Variants in HAO1 observed in about 807,000 individuals in gnomAD.
HAO1 encodes 2-Hydroxyacid oxidase 1.
Under a neutral mutation model 39.7 loss-of-function variants are expected in HAO1, and 34 were observed. That is an observed-to-expected ratio of 0.86 (90% CI 0.65 to 1.14). The LOEUF is 1.14. Among genes scored for constraint, HAO1 ranks in the 50% most tolerant of loss-of-function variants. HAO1 has a pLI of 0.00. For synonymous variants in HAO1, 172 were observed against 173.2 expected (o/e 0.99, Z 0.05); for missense variants, 479 against 464.5 (o/e 1.03, Z -0.29).
intron 5 of HAO1, among the ~76,000 whole-genome samples, chr20:7,888,113 A>G (rs1045842123): frequency 6.6e-6 from 1 of 152,060 alleles, no homozygotes; most frequent in Non-Finnish European, 1.5e-5. Context: ...ACTCCACTGG[A>G]GTTAATCTCC....
At chr20:7,937,100 C>T (rs1054559603) in intron 1 of HAO1, among the ~76,000 whole-genome samples, 1 of 151,928 alleles carries the variant, frequency 6.6e-6, no homozygotes, top group Non-Finnish European at 1.5e-5. Flanking sequence ...AGCGGGGTAA[C>T]GGGGAGAATC....
At chr20:7,926,000 A>ATG (rs1446003976) in intron 2 of HAO1, among the ~76,000 whole-genome samples, 13 of 152,184 alleles carry the variant, frequency 8.5e-5, no homozygotes, top group African/African-American at 2.9e-4. Context: ...ATGTATATAT[A>ATG]TCAAATGTCC....
chr20:7,929,576 A>T (rs2122794797), intron 2 of HAO1, among the ~76,000 whole-genome samples: 1 of 152,318 alleles, frequency 6.6e-6, no homozygotes, highest in South Asian at 2.1e-4. Context: ...GTAAAAAAGT[A>T]GAGTTCAGAC....
intron 4 of HAO1, among the ~76,000 whole-genome samples, chr20:7,902,436 G>A (rs12479800): frequency 0.11 from 16,268 of 152,226 alleles, 1,136 homozygotes; most frequent in South Asian, 0.28. Flanking sequence ...GTGATCATTA[G>A]CATTTTTTAG....
intron 5 of HAO1, among the ~76,000 whole-genome samples, chr20:7,890,165 C>T (rs1349177036): frequency 6.6e-6 from 1 of 152,064 alleles, no homozygotes; most frequent in African/African-American, 2.4e-5. Flanking sequence ...CAAGTATCTC[C>T]CCTCATGTAT....
At chr20:7,926,590 C>G (rs1450342001) in intron 2 of HAO1, among the ~76,000 whole-genome samples, 5 of 152,146 alleles carry the variant, frequency 3.3e-5, no homozygotes, top group African/African-American at 4.8e-5. Context: ...ATCACTTAAT[C>G]TTGGAAAATC....
At chr20:7,919,125 A>G (rs1443981525) in intron 2 of HAO1, among the ~76,000 whole-genome samples, 3 of 152,218 alleles carry the variant, frequency 2.0e-5, no homozygotes, top group Non-Finnish European at 4.4e-5. Flanking sequence ...CTTGCCTAGA[A>G]TGAAGTTCCC....
intron 2 of HAO1, 150 bp from the exon 3 acceptor site, chr20:7,914,569 A>T (rs1033283079): frequency 1.3e-6 from 1 of 773,934 alleles, no homozygotes. Flanking sequence ...TCTGGCCCAT[A>T]CCATCTATTT....
chr20:7,892,134 G>A (rs1320970545), intron 5 of HAO1, among the ~76,000 whole-genome samples: 1 of 152,154 alleles, frequency 6.6e-6, no homozygotes, highest in African/African-American at 2.4e-5. Flanking sequence ...GCCCAGACTT[G>A]AGTGCAGGGG....
Position 7,914,454 on chromosome 20 carries a change from G to C in HAO1, c.290-35C>G. On this transcript the variant is annotated intron_variant, in intron 2 of 7. Coordinates refer to ENST00000378789, the MANE Select transcript of HAO1 (RefSeq NM_017545.3). ...AAAGGGGATGATCAAGATGGGCCTGGCATTGCTTACCCTCCCAAACCTTTG... is the reference window on the plus strand; with the variant it reads ...AAAGGGGATGATCAAGATGGGCCTGCCATTGCTTACCCTCCCAAACCTTTG... 1.9e-6 allele frequency: 3 copies of C among 1,605,176 alleles called. No homozygotes were observed. In the South Asian group the frequency reaches 3.3e-5, roughly 18 times the overall value.
chr20:7,937,140 ATCT>A (rs2050416544), intron 1 of HAO1, among the ~76,000 whole-genome samples: 1 of 152,086 alleles, frequency 6.6e-6, no homozygotes, highest in Non-Finnish European at 1.5e-5. Context: ...CCACCCTCAC[ATCT>A]AACAGGGGCC....
intron 7 of HAO1, among the ~76,000 whole-genome samples, chr20:7,884,165 G>C (rs1314596943): frequency 6.6e-6 from 1 of 152,130 alleles, no homozygotes; most frequent in Non-Finnish European, 1.5e-5. Flanking sequence ...GGTTCTTTCT[G>C]AGTCAAATTA....
chr20:7,921,008 G>A (rs1480556585), intron 2 of HAO1, among the ~76,000 whole-genome samples: 1 of 151,868 alleles, frequency 6.6e-6, no homozygotes, highest in African/African-American at 2.4e-5. Context: ...AGACAACACA[G>A]GTATTGGGAG....
rs571758303 is a variant in HAO1 at position 7,901,056 on chromosome 20, A to G, written c.721+5098T>C. ...AAAGCCTAATCTAGAGCAACACCCT[A>G]ACTCTCTTCAATTCTATAAAGGCTG... On this transcript the variant is annotated intron_variant, in intron 4 of 7. Coordinates refer to ENST00000378789, the MANE Select transcript of HAO1 (RefSeq NM_017545.3). Among the ~76,000 whole-genome samples the G allele has an allele frequency of 1.6e-3, 237 of 152,252 alleles. 3 individuals are homozygous for G. Among genetic ancestry groups the G allele is most frequent in the Non-Finnish European group, 1.9e-3 (126 of 68,006 alleles).
At chr20:7,888,297 T>A (rs572435312) in intron 5 of HAO1, among the ~76,000 whole-genome samples, 1 of 152,250 alleles carries the variant, frequency 6.6e-6, no homozygotes, top group East Asian at 1.9e-4. Flanking sequence ...CTCTTTCTCA[T>A]TTGTGTTCAA....
chr20:7,910,262 G>GTTT (rs2122772803), intron 3 of HAO1, among the ~76,000 whole-genome samples: 2 of 152,304 alleles, frequency 1.3e-5, no homozygotes, highest in East Asian at 3.9e-4. Context: ...TAAGAGAGAT[G>GTTT]TGAGTTTTCA....
chr20:7,911,705 T>C (rs1045593172), intron 3 of HAO1, among the ~76,000 whole-genome samples: 8 of 152,190 alleles, frequency 5.3e-5, no homozygotes, highest in African/African-American at 1.9e-4. Flanking sequence ...CCCCCACACT[T>C]GGGCAGAGGA....
At chr20:7,912,238 G>C (rs1475297235) in intron 3 of HAO1, among the ~76,000 whole-genome samples, 2 of 152,072 alleles carry the variant, frequency 1.3e-5, no homozygotes, top group African/African-American at 2.4e-5. Flanking sequence ...AAAAGAAAAG[G>C]GGGGAAAGCA....
intron 1 of HAO1, among the ~76,000 whole-genome samples, chr20:7,936,403 C>T (rs1225937970): frequency 1.3e-5 from 2 of 151,916 alleles, no homozygotes; most frequent in East Asian, 3.9e-4. Flanking sequence ...TTAATAGCAG[C>T]CATTGGCATG....
Sources: gnomAD v4.1 joint callset for allele counts (sites outside exome capture counted in the v4.1 genomes callset) on GRCh38, gnomAD v4.1.1 for gene constraint, MANE v1.5 for transcripts, NCBI Gene and HGNC (gene_info 2026-07-23, HGNC 2026-07-21) for gene names.